CLYBL: variants seen among roughly 807,000 people sequenced by gnomAD.
The protein encoded by CLYBL is citramalyl-CoA lyase, mitochondrial.
CLYBL carries 31 observed loss-of-function variants against 38.9 expected under a neutral mutation model. That is an observed-to-expected ratio of 0.80 (90% CI 0.60 to 1.08). The LOEUF (loss-of-function observed/expected upper bound fraction) is 1.08. Among genes scored for constraint, CLYBL ranks in the 50% least tolerant of loss-of-function variants. The probability of loss-of-function intolerance (pLI) is 0.00; values close to 1 mark genes in which losing one functional copy is unlikely to be tolerated. For synonymous variants in CLYBL, 171 were observed against 158.6 expected (o/e 1.08, Z -0.59); for missense variants, 434 against 411.6 (o/e 1.05, Z -0.47).
chr13:99,606,732 G>A lies in CLYBL; in HGVS notation c.37G>A (p.Ala13Thr). 2 of 1,488,298 alleles carry A rather than the reference G, an allele frequency of 1.3e-6. No individual in the cohort carries two copies. The highest frequency in any genetic ancestry group is 1.8e-6 in the Non-Finnish European group (2 of 1,125,332). The allele number at this position is 1,488,298 out of a possible 1,614,324, so 92.2% of individuals were successfully genotyped here. ...LRLLRRAARG[A>T]AAAALLRLKA... The stretch of plus-strand genomic sequence containing the variant: ...TCTGCTGCGGAGGGCGGCGCGCGGA[G>A]CTGCGGCGGCGGCGCTGCTGAGGCT... Residue 13 changes from alanine (A) to threonine (T), a missense_variant, in exon 1 of 9, where the codon GCT becomes ACT. Coordinates refer to ENST00000339105, the MANE Select transcript of CLYBL (RefSeq NM_206808.5).
intron 7 of CLYBL, among the ~76,000 whole-genome samples, chr13:99,874,785 A>C (rs966121269): frequency 6.6e-6 from 1 of 152,242 alleles, no homozygotes; most frequent in African/African-American, 2.4e-5. Context: ...CAAAAATGAC[A>C]GCTAAAGGAA....
chr13:99,807,423 G>A (rs1474578980), intron 2 of CLYBL, among the ~76,000 whole-genome samples: 1 of 152,160 alleles, frequency 6.6e-6, no homozygotes, highest in Non-Finnish European at 1.5e-5. Flanking sequence ...TAGCCAAAAG[G>A]TCGAAGCAAC....
intron 1 of CLYBL, among the ~76,000 whole-genome samples, chr13:99,765,598 C>G (rs544896039): frequency 6.6e-6 from 1 of 152,206 alleles, no homozygotes; most frequent in Admixed American, 6.5e-5. Context: ...GGCTGGAATG[C>G]AGTGGTGTAA....
intron 2 of CLYBL, among the ~76,000 whole-genome samples, chr13:99,786,563 T>C (rs1259190006): frequency 6.6e-6 from 1 of 152,178 alleles, no homozygotes; most frequent in African/African-American, 2.4e-5. Context: ...TGCATAGTAT[T>C]CCATGGTGTA....
chr13:99,611,761 A>T (rs1477632625), intron 1 of CLYBL, among the ~76,000 whole-genome samples: 1 of 152,226 alleles, frequency 6.6e-6, no homozygotes, highest in Non-Finnish European at 1.5e-5. Context: ...GTTAAACTAC[A>T]AATTTAGTTT....
intron 1 of CLYBL, among the ~76,000 whole-genome samples, chr13:99,700,174 C>T (rs1370697497): frequency 2.6e-5 from 4 of 151,838 alleles, no homozygotes; most frequent in Non-Finnish European, 4.4e-5. Flanking sequence ...GCACCAAGGC[C>T]GGGTGCAGTG....
chr13:99,825,402 A>T (rs2050675725), intron 2 of CLYBL, among the ~76,000 whole-genome samples: 1 of 152,226 alleles, frequency 6.6e-6, no homozygotes, highest in South Asian at 2.1e-4. Flanking sequence ...ATGAATGAGA[A>T]GGTGCCCTGT....
At chr13:99,763,760 G>T (rs1196018500) in intron 1 of CLYBL, among the ~76,000 whole-genome samples, 2 of 151,820 alleles carry the variant, frequency 1.3e-5, no homozygotes, top group African/African-American at 4.8e-5. Context: ...TCATCATGTT[G>T]GCTAGGTTGG....
chr13:99,883,434 G>A (rs141935002), intron 7 of CLYBL, among the ~76,000 whole-genome samples: 97 of 150,906 alleles, frequency 6.4e-4, no homozygotes, highest in African/African-American at 2.2e-3. Context: ...CAGGAGAATC[G>A]TTTGAACCAG....
rs145405115 is a variant in CLYBL at position 99,687,807 on chromosome 13, A to G, written c.62+81050A>G. ...TTAGTTATGTGAGAATATGTCTGAC[A>G]TGCTTATCATCTCTCCTGCGGGTGC... On this transcript the variant is annotated intron_variant, in intron 1 of 8. Coordinates refer to ENST00000339105, the MANE Select transcript of CLYBL (RefSeq NM_206808.5). Among the ~76,000 whole-genome samples, 1,181 of 152,316 alleles carry G rather than the reference A, an allele frequency of 7.8e-3. 10 individuals carry two copies. Among genetic ancestry groups the G allele is most frequent in the Non-Finnish European group, 8.6e-3 (584 of 68,022 alleles).
At chr13:99,681,843 C>T (rs1012329219) in intron 1 of CLYBL, among the ~76,000 whole-genome samples, 1 of 151,956 alleles carries the variant, frequency 6.6e-6, no homozygotes, top group Non-Finnish European at 1.5e-5. Flanking sequence ...GTCTCGGCCC[C>T]CCACAGTGCC....
chr13:99,702,719 T>TA (rs1372175673), intron 1 of CLYBL, among the ~76,000 whole-genome samples: 1 of 151,940 alleles, frequency 6.6e-6, no homozygotes. Context: ...TCTGAGCGCC[T>TA]AGAGGCTTTT....
intron 8 of CLYBL, among the ~76,000 whole-genome samples, chr13:99,904,816 G>A (rs537367840): frequency 6.6e-6 from 1 of 152,178 alleles, no homozygotes; most frequent in Non-Finnish European, 1.5e-5. Context: ...CCACAGCCCC[G>A]CAAGGCAGAG....
At chr13:99,860,176 A>C (rs139900062) in intron 3 of CLYBL, among the ~76,000 whole-genome samples, 99 of 152,290 alleles carry the variant, frequency 6.5e-4, no homozygotes, top group Non-Finnish European at 1.3e-3. Context: ...CTCGGGACTC[A>C]CTGAGGGGAC....
At chr13:99,634,003 T>G (rs538769182) in intron 1 of CLYBL, among the ~76,000 whole-genome samples, 76 of 152,000 alleles carry the variant, frequency 5.0e-4, no homozygotes, top group Non-Finnish European at 9.9e-4. Flanking sequence ...CCAAATTCGG[T>G]GAAATCCATT....
chr13:99,716,787 C>CTTTTTTTTTTTTTT (rs1260332084), intron 1 of CLYBL, among the ~76,000 whole-genome samples: 47 of 100,896 alleles, frequency 4.7e-4, no homozygotes, highest in African/African-American at 1.7e-3. Flanking sequence ...CTTTTCTTTT[C>CTTTTTTTTTTTTTT]TTTTTTTTTT....
rs1480571016 is a variant in CLYBL at position 99,865,794 on chromosome 13, A to AACTT, written c.635-445_635-442dup. ...CCTGAAGCTGAAGCATTTGGCTCAG[A>AACTT]ACTTCAGTTTGGACAGGGCAATCGC... On this transcript the variant is annotated intron_variant, in intron 5 of 8. Coordinates refer to ENST00000339105, the MANE Select transcript of CLYBL (RefSeq NM_206808.5). This position sits in a 1 kb window ranked among gnomAD's most constrained non-coding sequence, Gnocchi z 4.7. Among the ~76,000 whole-genome samples the AACTT allele has an allele frequency of 6.6e-6, 1 of 152,162 alleles. No individual in the cohort carries two copies. The highest frequency in any genetic ancestry group is 2.4e-5 in the African/African-American group (1 of 41,442).
At chr13:99,785,515 T>C (rs2049770771) in intron 2 of CLYBL, among the ~76,000 whole-genome samples, 1 of 152,156 alleles carries the variant, frequency 6.6e-6, no homozygotes, top group Non-Finnish European at 1.5e-5. Flanking sequence ...CCCCCAACCA[T>C]TATTGTTTCC....
intron 1 of CLYBL, among the ~76,000 whole-genome samples, chr13:99,617,861 C>T (rs1328602791): frequency 6.6e-6 from 1 of 152,228 alleles, no homozygotes; most frequent in Non-Finnish European, 1.5e-5. Flanking sequence ...CAGCCTGAAG[C>T]CCTCTGTCCC....
Sources: allele counts gnomAD v4.1 joint callset (sites outside exome capture counted in the v4.1 genomes callset), GRCh38; gene constraint gnomAD v4.1.1; non-coding constraint Gnocchi (gnomAD v3.1); transcripts MANE v1.5; gene names NCBI Gene and HGNC (gene_info 2026-07-23, HGNC 2026-07-21).